The following FCHSD2 variants were observed in gnomAD, a reference collection of about 807,000 sequenced individuals.
FCHSD2 encodes F-BAR and double SH3 domains protein 2.
FCHSD2 carries 38 observed loss-of-function variants against 108.1 expected under a neutral mutation model. The observed-to-expected ratio is 0.35, with a 90% CI of 0.27 to 0.46. The LOEUF (loss-of-function observed/expected upper bound fraction) is 0.46, where lower values mean the gene tolerates loss of function less well. Among genes scored for constraint, FCHSD2 ranks in the 20% least tolerant of loss-of-function variants. The probability of loss-of-function intolerance (pLI) is 1.00; values close to 1 mark genes in which losing one functional copy is unlikely to be tolerated. For synonymous variants in FCHSD2, 279 were observed against 314.7 expected (o/e 0.89, Z 1.20); for missense variants, 751 against 897.8 (o/e 0.84, Z 2.09).
chr11:72,915,153 A>T (rs1001013950), intron 9 of FCHSD2, among the ~76,000 whole-genome samples: 1 of 152,132 alleles, frequency 6.6e-6, no homozygotes, highest in Non-Finnish European at 1.5e-5. Context: ...AAAACTCAAC[A>T]TCACTGATCA....
chr11:72,967,661 G>A (rs1459129294), intron 8 of FCHSD2, among the ~76,000 whole-genome samples: 3 of 152,142 alleles, frequency 2.0e-5, no homozygotes, highest in East Asian at 1.9e-4. Flanking sequence ...TTTTTTGGGG[G>A]ATAACAGAAA....
intron 8 of FCHSD2, among the ~76,000 whole-genome samples, chr11:72,953,210 G>C (rs553831218): frequency 6.6e-6 from 1 of 152,324 alleles, no homozygotes; most frequent in South Asian, 2.1e-4. Flanking sequence ...ATGGTCTTGA[G>C]AAAGCATGAC....
At chr11:72,949,160 G>A (rs576759862) in intron 8 of FCHSD2, among the ~76,000 whole-genome samples, 2 of 151,994 alleles carry the variant, frequency 1.3e-5, no homozygotes, top group Non-Finnish European at 2.9e-5. Flanking sequence ...ACCACAAAAA[G>A]AAACCTGGCC....
chr11:72,938,804 T>C (rs1227216296), intron 8 of FCHSD2, among the ~76,000 whole-genome samples: 1 of 152,214 alleles, frequency 6.6e-6, no homozygotes, highest in Non-Finnish European at 1.5e-5. Flanking sequence ...AAAAATCTTA[T>C]CAAGCTAACC....
At chr11:73,087,450 A>G (rs969588884) in intron 2 of FCHSD2, among the ~76,000 whole-genome samples, 24 of 152,136 alleles carry the variant, frequency 1.6e-4, no homozygotes, top group African/African-American at 5.8e-4. Flanking sequence ...CTCACCCTGT[A>G]ATCCCAGCAT....
At chr11:73,111,323 G>A (rs1860479778) in intron 2 of FCHSD2, among the ~76,000 whole-genome samples, 1 of 152,094 alleles carries the variant, frequency 6.6e-6, no homozygotes, top group Admixed American at 6.5e-5. Context: ...ATTTACAACT[G>A]TTATATCTTC....
chr11:72,889,736 T>G, intron 11 of FCHSD2, 93 bp downstream of exon 11: 1 of 715,366 alleles, frequency 1.4e-6, no homozygotes, highest in Non-Finnish European at 2.4e-6. Context: ...ACAACACATA[T>G]AGGATATTTT....
At chr11:73,130,478 T>A (rs1860971493) in intron 2 of FCHSD2, among the ~76,000 whole-genome samples, 1 of 152,234 alleles carries the variant, frequency 6.6e-6, no homozygotes, top group African/African-American at 2.4e-5. Context: ...CAGGAGAGTA[T>A]CCTCTATTCA....
rs117495951 is a variant in FCHSD2 at position 73,110,098 on chromosome 11, T to A, written c.120-26358A>T. On this transcript the variant is annotated intron_variant, in intron 2 of 19. Coordinates refer to ENST00000409418, the MANE Select transcript of FCHSD2 (RefSeq NM_014824.3). ...TTGAGTTCAGTTTGCTAGTATTTTG[T>A]GGAGGATTTTTGCATCAGTATTCAT... Among the ~76,000 whole-genome samples, 11 of 152,268 alleles carry A rather than the reference T, an allele frequency of 7.2e-5. No individual in the cohort carries two copies. In the East Asian group the frequency reaches 2.1e-3, roughly 29 times the overall value.
chr11:72,981,687 T>C (rs925588014), intron 8 of FCHSD2, among the ~76,000 whole-genome samples: 1 of 152,194 alleles, frequency 6.6e-6, no homozygotes, highest in Non-Finnish European at 1.5e-5. Context: ...AATACGATAC[T>C]AAAACCAGCC....
intron 4 of FCHSD2, among the ~76,000 whole-genome samples, chr11:73,011,665 A>G (rs1857866582): frequency 6.6e-6 from 1 of 152,058 alleles, no homozygotes; most frequent in Admixed American, 6.6e-5. Context: ...ATCTCCTGGC[A>G]GCTCCCTATC....
chr11:72,921,460 G>A (rs1220631790), intron 9 of FCHSD2, among the ~76,000 whole-genome samples: 6 of 151,940 alleles, frequency 3.9e-5, no homozygotes, highest in Non-Finnish European at 7.4e-5. Flanking sequence ...TTTTCCCTTC[G>A]TGCTCTTTTA....
intron 2 of FCHSD2, among the ~76,000 whole-genome samples, chr11:73,111,294 C>T (rs1248606890): frequency 1.3e-5 from 2 of 152,154 alleles, no homozygotes. Context: ...CTGGGTGCTC[C>T]AGTATTGGGT....
At chr11:73,078,930 G>T (rs1859618954) in intron 3 of FCHSD2, among the ~76,000 whole-genome samples, 1 of 151,934 alleles carries the variant, frequency 6.6e-6, no homozygotes, top group Non-Finnish European at 1.5e-5. Flanking sequence ...ATGTTGTCAG[G>T]CCGGTCTGAA....
rs192090261 is a variant in FCHSD2 at position 73,135,144 on chromosome 11, G to A, written c.119+4887C>T. Among the ~76,000 whole-genome samples, 183 of 152,284 alleles carry A rather than the reference G, an allele frequency of 1.2e-3. 1 individual carries two copies. Among genetic ancestry groups the A allele is most frequent in the African/African-American group, 4.1e-3 (171 of 41,548 alleles). On this transcript the variant is annotated intron_variant, in intron 2 of 19. Coordinates refer to ENST00000409418, the MANE Select transcript of FCHSD2 (RefSeq NM_014824.3). ...GCTGGGATCACAGGCATAAGCCACCGCACCCAGCCTCCTGATAATATATTA... is the reference window on the plus strand; with the variant it reads ...GCTGGGATCACAGGCATAAGCCACCACACCCAGCCTCCTGATAATATATTA...
chr11:72,893,194 G>T (rs1424027837), intron 10 of FCHSD2, among the ~76,000 whole-genome samples: 1 of 151,828 alleles, frequency 6.6e-6, no homozygotes, highest in Non-Finnish European at 1.5e-5. Context: ...AGAGATGGGG[G>T]TTTTGCTATG....
At chr11:73,089,784 T>A (rs1331438313) in intron 2 of FCHSD2, among the ~76,000 whole-genome samples, 1 of 152,096 alleles carries the variant, frequency 6.6e-6, no homozygotes, top group African/African-American at 2.4e-5. Flanking sequence ...CCTGGGAGAT[T>A]GAGAAAAACT....
At chr11:73,114,127 C>G (rs1860554716) in intron 2 of FCHSD2, among the ~76,000 whole-genome samples, 1 of 151,886 alleles carries the variant, frequency 6.6e-6, no homozygotes, top group Non-Finnish European at 1.5e-5. Context: ...TGCAGCTAAG[C>G]TGGCACTCAA....
chr11:73,022,779 G>T (rs1236044579), intron 3 of FCHSD2, among the ~76,000 whole-genome samples: 1 of 152,092 alleles, frequency 6.6e-6, no homozygotes, highest in East Asian at 1.9e-4. Context: ...CTCATTACCT[G>T]ACTTCAAGGT....
Sources: gnomAD v4.1 joint callset for allele counts (sites outside exome capture counted in the v4.1 genomes callset) on GRCh38, gnomAD v4.1.1 for gene constraint, MANE v1.5 for transcripts, NCBI Gene and HGNC (gene_info 2026-07-23, HGNC 2026-07-21) for gene names.